TTLL4: variants seen among roughly 807,000 people sequenced by gnomAD.
The protein encoded by TTLL4 is tubulin monoglutamylase TTLL4.
In TTLL4, 85 loss-of-function variants were observed where a neutral mutation model predicts 122.7. That is an observed-to-expected ratio of 0.69 (90% CI 0.58 to 0.83). The LOEUF (loss-of-function observed/expected upper bound fraction) is 0.83, where lower values mean the gene tolerates loss of function less well. Ranked by LOEUF, TTLL4 falls within the 40% of genes least tolerant of loss-of-function variation. The pLI, the probability that TTLL4 is intolerant of heterozygous loss-of-function variation, is 0.00. For missense variants in TTLL4, 1,363 were observed against 1,488.6 expected (o/e 0.92, Z 1.39); for synonymous variants, 553 against 563.0 (o/e 0.98, Z 0.25).
chr2:218,715,146 C>G (rs1055546329), intron 1 of TTLL4, among the ~76,000 whole-genome samples: 4 of 152,138 alleles, frequency 2.6e-5, no homozygotes, highest in African/African-American at 9.7e-5. Context: ...TTTTTTAGAT[C>G]TCTTTAGTGT....
At chr2:218,758,141 T>A (rs1943186699), downstream of TTLL4, among the ~76,000 whole-genome samples, 1 of 152,206 alleles carries the variant, frequency 6.6e-6, no homozygotes. Flanking sequence ...AGCAGTCATA[T>A]GTTGCTCTCG....
intron 8 of TTLL4, chr2:218,746,719 C>A: frequency 2.1e-6 from 1 of 468,422 alleles, no homozygotes. Flanking sequence ...GCTTTTCTGT[C>A]CTCATCCCAT....
At chr2:218,746,377 G>A (rs1369244991) in intron 8 of TTLL4, 146 bp downstream of exon 8, 9 of 788,270 alleles carry the variant, frequency 1.1e-5, no homozygotes, top group South Asian at 1.6e-5. Context: ...AGTACAGGAC[G>A]GGGGTACAGT....
chr2:218,740,433 A>G, intron 4 of TTLL4, 88 bp from the exon 5 acceptor site: 1 of 1,412,608 alleles, frequency 7.1e-7, no homozygotes, highest in East Asian at 2.3e-5. Context: ...GGTTGAGCCC[A>G]GGATATTCAA....
rs148310172 is a variant in TTLL4, at chr2:218,754,185, G to A, written c.3396G>A (p.Thr1132=). The A allele has an allele frequency of 5.0e-5, 80 of 1,613,992 alleles. No individual in the cohort carries two copies. Among genetic ancestry groups the A allele is most frequent in the African/African-American group, 1.3e-4 (10 of 74,888 alleles). Residue 1132 remains threonine, a synonymous_variant, in exon 20 of 20, where the codon ACG becomes ACA. Transcript: ENST00000392102. ...VSLLLSEDGT[T]PKSKKTQAGL... is the part of the protein sequence containing the mutation. ...TACTACTCTCTGAAGACGGGACCAC[G>A]CCCAAATCCAAGAAGACTCAAGCTG...
intron 1 of TTLL4, among the ~76,000 whole-genome samples, chr2:218,718,049 A>C (rs1038465424): frequency 4.6e-5 from 7 of 152,310 alleles, no homozygotes; most frequent in Middle Eastern, 3.4e-3. Context: ...TCAGCCTCCC[A>C]AAGTGTTGGG....
chr2:218,747,651 T>C lies in TTLL4; in HGVS notation c.2304T>C (p.Tyr768=), dbSNP rs116317499. 217 of 1,614,244 alleles carry C rather than the reference T, an allele frequency of 1.3e-4. No homozygotes were observed. The African/African-American group carries it at 2.1e-3, about 16-fold the overall frequency. ...ISGSKFDLRI[Y]VYVTSYDPLR... ...GCAGCAAGTTTGACCTGCGGATCTA[T>C]GTTTATGTCACTTCCTACGATCCTC... The change falls in exon 11 of 20, where the codon TAT becomes TAC. Residue 768 remains tyrosine (Y), a synonymous_variant. Coordinates refer to ENST00000392102, the MANE Select transcript of TTLL4 (RefSeq NM_014640.5). The surrounding 1 kb of genome is among the most constrained non-coding windows in gnomAD (Gnocchi z 4.7).
downstream of TTLL4, among the ~76,000 whole-genome samples, chr2:218,758,812 A>T (rs1943193827): frequency 6.6e-6 from 1 of 152,358 alleles, no homozygotes; most frequent in African/African-American, 2.4e-5. Flanking sequence ...CGTATGACCT[A>T]GCAATTCCAC....
downstream of TTLL4, among the ~76,000 whole-genome samples, chr2:218,759,209 C>T (rs1000266793): frequency 1.1e-4 from 17 of 152,018 alleles, no homozygotes; most frequent in Non-Finnish European, 1.9e-4. Flanking sequence ...CGCCCCATTG[C>T]ACTCCAGCCC....
At chr2:218,748,670 A>AT in intron 12 of TTLL4, 166 bp from the exon 13 acceptor site, 1 of 573,138 alleles carries the variant, frequency 1.7e-6, no homozygotes, top group East Asian at 3.2e-5. Context: ...AAAAAAAAAA[A>AT]AAAAAGAATT....
chr2:218,720,544 G>A (rs1311200360), intron 1 of TTLL4, among the ~76,000 whole-genome samples: 1 of 151,996 alleles, frequency 6.6e-6, no homozygotes, highest in Non-Finnish European at 1.5e-5. Context: ...CACGATGGCG[G>A]GTGCCTGTAA....
rs140352764 is a variant in TTLL4, at chr2:218,753,174, T to A, written c.3247T>A (p.Ser1083Thr). ...KGFHMGVVSD[S>T]APVWSLPTSL... ...GTTCCACATGGGAGTTGTCTCTGATTCTGCTCCAGTGGTGAGTGCTGCCAG... is the reference window on the plus strand; with the variant it reads ...GTTCCACATGGGAGTTGTCTCTGATACTGCTCCAGTGGTGAGTGCTGCCAG... Residue 1083 changes from serine to threonine, a missense_variant, in exon 18 of 20, where the codon TCT (serine) becomes ACT (threonine). Physicochemically the swap from Ser to Thr is moderately conservative, Grantham distance 58. Around this residue, in one of 3 missense-constraint regions of TTLL4, gnomAD observed 596 missense variants for 655.8 expected, o/e 0.91. Transcript: ENST00000392102. 1 of 1,614,090 alleles carries A rather than the reference T, an allele frequency of 6.2e-7. No individual in the cohort carries two copies. Among genetic ancestry groups the A allele is most frequent in the Non-Finnish European group, 8.5e-7 (1 of 1,180,032 alleles).
chr2:218,737,719 CAGA>C lies in TTLL4; in HGVS notation c.45_47del (p.Lys16del). Reference sequence around the variant, plus strand: ...ACAGCACTATAGTATTGGCCTCCGCCAGAAAAACAGCTTCAAGCAGAGTGGTCC... The same window carrying C: ...ACAGCACTATAGTATTGGCCTCCGCCAAAACAGCTTCAAGCAGAGTGGTCC... On this transcript the variant is annotated inframe_deletion, in exon 3 of 20. Transcript: ENST00000392102. 6.2e-7 allele frequency: 1 copy of C among 1,613,310 alleles called. No individual in the cohort carries two copies.
At chr2:218,721,345 C>G (rs1559357854) in intron 1 of TTLL4, among the ~76,000 whole-genome samples, 1 of 152,196 alleles carries the variant, frequency 6.6e-6, no homozygotes, top group Non-Finnish European at 1.5e-5. Context: ...GTTGGGATTA[C>G]AGGTGTGCGT....
rs1943070743 is a variant in TTLL4, at chr2:218,753,198, A to G, written c.3258+13A>G. On this transcript the variant is annotated intron_variant, in intron 18 of 19. Transcript: ENST00000392102. ...TTCTGCTCCAGTGGTGAGTGCTGCCAGTGTGGAGGACAGCTCCTTCTCAGG... is the reference window on the plus strand; with the variant it reads ...TTCTGCTCCAGTGGTGAGTGCTGCCGGTGTGGAGGACAGCTCCTTCTCAGG... The G allele has an allele frequency of 1.2e-6, 2 of 1,613,738 alleles. No individual in the cohort carries two copies. Among genetic ancestry groups the G allele is most frequent in the Non-Finnish European group, 8.5e-7 (1 of 1,179,932 alleles).
At chr2:218,750,448 A>G (rs980568135) in intron 15 of TTLL4, among the ~76,000 whole-genome samples, 1 of 152,178 alleles carries the variant, frequency 6.6e-6, no homozygotes, top group African/African-American at 2.4e-5. Context: ...TTTTAAGGCT[A>G]GAAGTTCACA....
At chr2:218,712,136 C>T (rs1367430193) in intron 1 of TTLL4, among the ~76,000 whole-genome samples, 1 of 152,090 alleles carries the variant, frequency 6.6e-6, no homozygotes, top group Admixed American at 6.6e-5. Context: ...ACAGCAAGTC[C>T]TGAAAAGAGA....
chr2:218,748,979 C>T (rs1350240503), intron 13 of TTLL4, 45 bp downstream of exon 13: 5 of 1,584,280 alleles, frequency 3.2e-6, no homozygotes, highest in South Asian at 2.2e-5. Context: ...CTGCTGACCC[C>T]CTCCTTTCTC....
At chr2:218,745,336 G>T in intron 6 of TTLL4, 103 bp downstream of exon 6, 1 of 1,492,746 alleles carries the variant, frequency 6.7e-7, no homozygotes, top group South Asian at 1.2e-5. Flanking sequence ...TTCCAGAATG[G>T]CTGTTGTGGC....
Sources: gnomAD v4.1 joint callset for allele counts (sites outside exome capture counted in the v4.1 genomes callset) on GRCh38, gnomAD v4.1.1 for gene constraint, gnomAD v4.1.1 regional missense constraint, Gnocchi (gnomAD v3.1) non-coding constraint, MANE v1.5 for transcripts, NCBI Gene and HGNC (gene_info 2026-07-23, HGNC 2026-07-21) for gene names.